Variants in RPH3AL observed in about 807,000 individuals in gnomAD.
RPH3AL encodes the protein rab effector Noc2.
Under a neutral mutation model 43.1 loss-of-function variants are expected in RPH3AL, and 38 were observed. That is an observed-to-expected ratio of 0.88 (90% CI 0.68 to 1.15). RPH3AL has a LOEUF of 1.15. RPH3AL is among the 50% of genes most tolerant of loss of function. The probability of loss-of-function intolerance (pLI) is 0.00; values close to 1 mark genes in which losing one functional copy is unlikely to be tolerated. For missense variants in RPH3AL, 462 were observed against 423.2 expected, an observed-to-expected ratio of 1.09 and a Z score of -0.81; for synonymous variants, 189 against 176.3, an observed-to-expected ratio of 1.07 and a Z score of -0.57.
chr17:315,414 C>A (rs2043963884), intron 5 of RPH3AL, among the ~76,000 whole-genome samples: 1 of 151,772 alleles, frequency 6.6e-6, no homozygotes, highest in Non-Finnish European at 1.5e-5. Flanking sequence ...CCTGTGCCCC[C>A]ACCTCCATTG....
At chr17:312,397 G>A (rs190217248) in intron 5 of RPH3AL, among the ~76,000 whole-genome samples, 1 of 152,200 alleles carries the variant, frequency 6.6e-6, no homozygotes, top group Admixed American at 6.5e-5. Flanking sequence ...GCCATGAACA[G>A]GGCCCTCACC....
In RPH3AL at chr17:321,404, C is replaced by T. The variant is rs764326372; in HGVS notation, c.89G>A (p.Gly30Asp). Residue 30 changes from glycine (G) to aspartate (D), a missense_variant, in exon 4 of 10, where the codon GGC becomes GAC. Physicochemically the swap from Gly to Asp is moderately conservative, Grantham distance 94. Transcript: ENST00000331302. ...QLALRAKLQT[G>D]WSVHTYQTEK... Reference sequence around the variant, plus strand: ...CGTCTGGTAGGTGTGCACGGACCAGCCCGTCTGCAGCCTCGAGAGGGAACA... The same window carrying T: ...CGTCTGGTAGGTGTGCACGGACCAGTCCGTCTGCAGCCTCGAGAGGGAACA... The T allele has an allele frequency of 6.2e-7, 1 of 1,607,642 alleles. No individual in the cohort carries two copies. The highest frequency in any genetic ancestry group is 8.5e-7 in the Non-Finnish European group (1 of 1,178,676).
At chr17:242,110 G>A (rs1477713319) in intron 7 of RPH3AL, among the ~76,000 whole-genome samples, 1 of 151,892 alleles carries the variant, frequency 6.6e-6, no homozygotes, top group Non-Finnish European at 1.5e-5. Flanking sequence ...GAGCAAGACT[G>A]TCTCAATAAA....
intron 5 of RPH3AL, among the ~76,000 whole-genome samples, chr17:295,334 C>T (rs1428772258): frequency 2.8e-5 from 4 of 144,046 alleles, no homozygotes; most frequent in Non-Finnish European, 6.0e-5. Context: ...GTGGGAGGGA[C>T]AGAGGAGCTG....
rs1244152618 is a variant in RPH3AL at position 345,978 on chromosome 17, A to T, written c.-213+6734T>A. Among the ~76,000 whole-genome samples, 4 of 134,986 alleles carry T rather than the reference A, an allele frequency of 3.0e-5. 1 individual carries two copies. Among genetic ancestry groups the T allele is most frequent in the Non-Finnish European group, 6.8e-5 (4 of 59,218 alleles). The allele number at this position is 134,986 out of a possible 152,430, so 88.6% of individuals were successfully genotyped here. A position where few individuals can be genotyped will look rare whatever the true frequency, so the allele number is the denominator to read the frequency against. On this transcript the variant is annotated intron_variant, in intron 1 of 9. Transcript: ENST00000331302. ...GGAAACACAAAATGTCACATGGGGG[A>T]GGTGAAAGGTTTGTCTGTCAATGAT... is the stretch of plus-strand genomic sequence containing the variant.
intron 5 of RPH3AL, among the ~76,000 whole-genome samples, chr17:293,718 G>T (rs1221640876): frequency 6.6e-6 from 1 of 152,176 alleles, no homozygotes; most frequent in African/African-American, 2.4e-5. Flanking sequence ...CAGAAGGTGG[G>T]AGGAGGGTTT....
chr17:337,976 C>A (rs571240385), intron 1 of RPH3AL, among the ~76,000 whole-genome samples: 1 of 152,350 alleles, frequency 6.6e-6, no homozygotes, highest in East Asian at 1.9e-4. Flanking sequence ...CTCTGCAAAG[C>A]CTCCAATGCA....
intron 1 of RPH3AL, among the ~76,000 whole-genome samples, chr17:337,353 A>C (rs1321504684): frequency 6.6e-6 from 1 of 152,184 alleles, no homozygotes; most frequent in Non-Finnish European, 1.5e-5. Flanking sequence ...CTCCTGCCTC[A>C]GCCTCCCAAG....
intron 7 of RPH3AL, among the ~76,000 whole-genome samples, chr17:235,220 G>A (rs1419745551): frequency 1.3e-5 from 2 of 151,182 alleles, no homozygotes; most frequent in Admixed American, 6.6e-5. Context: ...AGCTGGGGTC[G>A]GCGGAGGCTC....
chr17:322,493 G>A lies in RPH3AL; in HGVS notation c.78-1078C>T, dbSNP rs978164651. On this transcript the variant is annotated intron_variant, in intron 3 of 9. Transcript: ENST00000331302. This position sits in a 1 kb window ranked among gnomAD's most constrained non-coding sequence, Gnocchi z 4.0. ...GCGTTTTCATTCTACGCATTACCAA[G>A]TACCCGCTGGGACGCCTGGCCTCTT... The A allele has an allele frequency of 6.6e-6, 1 of 152,202 alleles. No homozygotes were observed. Among genetic ancestry groups the A allele is most frequent in the Non-Finnish European group, 1.5e-5 (1 of 68,052 alleles). 9.4% of individuals were successfully genotyped at this position (152,202 alleles called of 1,614,324 possible). A position where few individuals can be genotyped will look rare whatever the true frequency, so the allele number is the denominator to read the frequency against.
At position 290,462 on chromosome 17, in the gene RPH3AL, C is replaced by T. The variant is rs967765149; in HGVS notation, c.352-8608G>A. On this transcript the variant is annotated intron_variant, in intron 5 of 9. Coordinates refer to ENST00000331302, the MANE Select transcript of RPH3AL (RefSeq NM_006987.4). The surrounding 1 kb of genome is among the most constrained non-coding windows in gnomAD (Gnocchi z 4.2). Reference sequence around the variant, plus strand: ...TGCCTGCCTCCCCCGGGGTGCGTGCCGCGGCCGCCTATGTGTGCAGACCCG... The same window carrying T: ...TGCCTGCCTCCCCCGGGGTGCGTGCTGCGGCCGCCTATGTGTGCAGACCCG... Among the ~76,000 whole-genome samples the T allele has an allele frequency of 2.0e-5, 3 of 152,140 alleles. No individual in the cohort carries two copies. The highest frequency in any genetic ancestry group is 4.8e-5 in the African/African-American group (2 of 41,420).
At chr17:243,286 T>C (rs2041627810) in intron 7 of RPH3AL, among the ~76,000 whole-genome samples, 1 of 146,206 alleles carries the variant, frequency 6.8e-6, no homozygotes, top group Admixed American at 6.7e-5. Context: ...TTGATTACCT[T>C]CCTCTATTGA....
At chr17:233,178 T>C (rs4890171) in intron 7 of RPH3AL, among the ~76,000 whole-genome samples, 116,967 of 151,984 alleles carry the variant, frequency 0.77, 45,378 homozygotes, top group East Asian at 0.81. Context: ...GGGGCCAACA[T>C]GGAAATGGGG....
intron 2 of RPH3AL, 44 bp from the exon 3 acceptor site, chr17:327,623 G>T: frequency 7.5e-7 from 1 of 1,340,642 alleles, no homozygotes; most frequent in Non-Finnish European, 1.1e-6. Flanking sequence ...ATCATTGGCT[G>T]GGGTACAGAT....
intron 5 of RPH3AL, among the ~76,000 whole-genome samples, chr17:286,180 A>T (rs1238881289): frequency 6.6e-6 from 1 of 152,104 alleles, no homozygotes; most frequent in African/African-American, 2.4e-5. Flanking sequence ...CCTGTCCTCT[A>T]CTCACAGACC....
intron 8 of RPH3AL, among the ~76,000 whole-genome samples, chr17:217,377 C>T (rs1299164002): frequency 1.6e-5 from 1 of 64,102 alleles, no homozygotes; most frequent in African/African-American, 3.2e-5. Flanking sequence ...GAAATCAGGA[C>T]CCCCAAGGCA....
chr17:247,714 A>C (rs2041800724), intron 6 of RPH3AL: 1 of 165,518 alleles, frequency 6.0e-6, no homozygotes, highest in African/African-American at 2.4e-5. Context: ...TGGGCCTGGC[A>C]TGTGAGACAT....
At position 323,378 on chromosome 17, in the gene RPH3AL, A is replaced by C. The variant is rs969602849; in HGVS notation, c.78-1963T>G. On this transcript the variant is annotated intron_variant, in intron 3 of 9. Coordinates refer to ENST00000331302, the MANE Select transcript of RPH3AL (RefSeq NM_006987.4). The surrounding 1 kb of genome is among the most constrained non-coding windows in gnomAD (Gnocchi z 4.4). The stretch of plus-strand genomic sequence containing the variant: ...GCTGGAAGGGGGGCAAGGCCAGTAG[A>C]GTGGGCAGCCTCTGCCTGGACTACC... Among the ~76,000 whole-genome samples, 1 of 152,084 alleles carries C rather than the reference A, an allele frequency of 6.6e-6. No individual in the cohort carries two copies. The highest frequency in any genetic ancestry group is 6.5e-5 in the Admixed American group (1 of 15,270).
At chr17:265,356 A>G (rs1215963990) in intron 6 of RPH3AL, among the ~76,000 whole-genome samples, 3 of 152,204 alleles carry the variant, frequency 2.0e-5, no homozygotes, top group African/African-American at 7.2e-5. Flanking sequence ...TCGGCCTCTC[A>G]AAGTGCTGGG....
Sources: allele counts gnomAD v4.1 joint callset (sites outside exome capture counted in the v4.1 genomes callset), GRCh38; gene constraint gnomAD v4.1.1; non-coding constraint Gnocchi (gnomAD v3.1); transcripts MANE v1.5; gene names NCBI Gene and HGNC (gene_info 2026-07-23, HGNC 2026-07-21).